GPR158: variants seen among roughly 807,000 people sequenced by gnomAD.
GPR158 encodes the protein G protein-coupled receptor 158, also known as metabotropic glycine receptor.
In GPR158, 30 loss-of-function variants were observed where a neutral mutation model predicts 78.2. The ratio of observed to expected loss-of-function variants is 0.38; its 90% confidence interval spans 0.29 to 0.52. GPR158 has a LOEUF of 0.52. Ranked by LOEUF, GPR158 falls within the 20% of genes least tolerant of loss-of-function variation. The pLI, the probability that GPR158 is intolerant of heterozygous loss-of-function variation, is 0.83. For missense variants in GPR158, 1,463 were observed against 1,523.5 expected (o/e 0.96, Z 0.66); for synonymous variants, 581 against 591.1 (o/e 0.98, Z 0.25).
chr10:25,349,721 G>T (rs896358044), intron 2 of GPR158, among the ~76,000 whole-genome samples: 1 of 146,386 alleles, frequency 6.8e-6, no homozygotes, highest in African/African-American at 2.8e-5. Context: ...CATATATTAC[G>T]CAATTTCAGG....
At chr10:25,286,604 G>A (rs377517074) in intron 2 of GPR158, among the ~76,000 whole-genome samples, 77 of 150,972 alleles carry the variant, frequency 5.1e-4, no homozygotes, top group African/African-American at 1.6e-3. Context: ...CAGTGTTGTT[G>A]TTTTTTTTTA....
chr10:25,406,327 A>G (rs777788287), intron 3 of GPR158, among the ~76,000 whole-genome samples: 2 of 152,124 alleles, frequency 1.3e-5, no homozygotes, highest in Non-Finnish European at 2.9e-5. Flanking sequence ...CATTGTATAC[A>G]GTTTTTAGAG....
intron 2 of GPR158, among the ~76,000 whole-genome samples, chr10:25,222,553 A>G (rs1237577665): frequency 2.0e-5 from 3 of 151,632 alleles, no homozygotes; most frequent in Non-Finnish European, 4.4e-5. Flanking sequence ...GTCTCCTTTA[A>G]TTGTTCTTAG....
intron 10 of GPR158, among the ~76,000 whole-genome samples, chr10:25,597,518 G>A (rs189280984): frequency 2.0e-5 from 3 of 151,870 alleles, no homozygotes; most frequent in Admixed American, 6.6e-5. Flanking sequence ...AAATCAGAAG[G>A]TGCTTGCTCC....
chr10:25,554,090 G>A (rs7083288), intron 6 of GPR158, among the ~76,000 whole-genome samples: 23,984 of 152,056 alleles, frequency 0.16, 4,207 homozygotes, highest in African/African-American at 0.43. Context: ...TAGGGGGAAT[G>A]TCACCCATTG....
chr10:25,224,776 A>G (rs1853350717), intron 2 of GPR158, among the ~76,000 whole-genome samples: 1 of 152,148 alleles, frequency 6.6e-6, no homozygotes, highest in South Asian at 2.1e-4. Context: ...GGTTTTCTTT[A>G]CAGAGATACA....
chr10:25,203,857 C>T (rs984054975), intron 1 of GPR158, among the ~76,000 whole-genome samples: 1 of 144,196 alleles, frequency 6.9e-6, no homozygotes, highest in African/African-American at 2.7e-5. Context: ...GGCAGTTTGG[C>T]CATTTTCACA....
chr10:25,400,012 G>GTCAA lies in GPR158; in HGVS notation c.1111+4001_1111+4004dup, dbSNP rs377609429. Among the ~76,000 whole-genome samples the GTCAA allele has an allele frequency of 5.3e-3, 803 of 152,200 alleles. 11 individuals carry two copies. The highest frequency in any genetic ancestry group is 0.019 in the African/African-American group (776 of 41,506). ...CACAGTACATGGCATATAATAAGTG[G>GTCAA]TCAATACACAGTTAAATAATTGAAT... On this transcript the variant is annotated intron_variant, in intron 3 of 10. Transcript: ENST00000376351.
In GPR158 at chr10:25,602,216, A is replaced by G. The variant is rs770058838; in HGVS notation, c.*2942A>G. On this transcript the variant is annotated 3_prime_UTR_variant, in exon 11 of 11. Coordinates refer to ENST00000376351, the MANE Select transcript of GPR158 (RefSeq NM_020752.3). Reference sequence around the variant, plus strand: ...AATTATAACTTCTCTGCAATAAAACATATTTATATGAAAGTGATTTGTGGG... The same window carrying G: ...AATTATAACTTCTCTGCAATAAAACGTATTTATATGAAAGTGATTTGTGGG... 6.6e-6 allele frequency: 1 copy of G among 152,596 alleles called. No individual in the cohort carries two copies. Among genetic ancestry groups the G allele is most frequent in the African/African-American group, 2.4e-5 (1 of 41,458 alleles). The allele number at this position is 152,596 out of a possible 1,614,324, so 9.5% of individuals were successfully genotyped here. A position where few individuals can be genotyped will look rare whatever the true frequency, so the allele number is the denominator to read the frequency against.
chr10:25,432,966 T>G (rs949966878), intron 4 of GPR158, among the ~76,000 whole-genome samples: 2 of 152,226 alleles, frequency 1.3e-5, no homozygotes, highest in African/African-American at 4.8e-5. Context: ...TGAAACAGTA[T>G]AATGTATCAT....
intron 2 of GPR158, among the ~76,000 whole-genome samples, chr10:25,270,673 T>A (rs955824943): frequency 7.9e-5 from 12 of 152,172 alleles, no homozygotes; most frequent in African/African-American, 2.2e-4. Context: ...ACAGGCCAGA[T>A]ATCTACAAGT....
intron 2 of GPR158, among the ~76,000 whole-genome samples, chr10:25,334,852 A>G (rs997422747): frequency 6.6e-6 from 1 of 151,930 alleles, no homozygotes; most frequent in African/African-American, 2.4e-5. Context: ...TGATATTTCC[A>G]TCCTACTTGT....
chr10:25,471,899 C>G (rs1484690977), intron 5 of GPR158, among the ~76,000 whole-genome samples: 4 of 152,020 alleles, frequency 2.6e-5, no homozygotes, highest in Non-Finnish European at 4.4e-5. Flanking sequence ...AAATTTTCTC[C>G]CATTTTGTAG....
At chr10:25,385,904 G>A (rs936713289) in intron 2 of GPR158, among the ~76,000 whole-genome samples, 2 of 152,056 alleles carry the variant, frequency 1.3e-5, no homozygotes, top group South Asian at 2.1e-4. Context: ...CATTCTGTAG[G>A]CTGACTTTTC....
In GPR158 at chr10:25,208,936, C is replaced by T. The variant is rs887418313; in HGVS notation, c.903-12116C>T. 2.0e-4 allele frequency among the ~76,000 whole-genome samples: 31 copies of T among 151,494 alleles called. No individual in the cohort carries two copies. The East Asian group carries it at 5.1e-3, about 25-fold the overall frequency. ...TGATCTCAGCTCACTGCAACCTCCA[C>T]CTCCTGGGTTCAAGCAATTCTTCTG... is the stretch of plus-strand genomic sequence containing the variant. On this transcript the variant is annotated intron_variant, in intron 1 of 10. Transcript: ENST00000376351.
At chr10:25,190,634 C>A (rs2130641789) in intron 1 of GPR158, among the ~76,000 whole-genome samples, 1 of 152,264 alleles carries the variant, frequency 6.6e-6, no homozygotes, top group Non-Finnish European at 1.5e-5. Context: ...GCTGGCCCTA[C>A]ATATACATTA....
At chr10:25,428,684 C>T (rs1029388656) in intron 4 of GPR158, among the ~76,000 whole-genome samples, 1 of 151,976 alleles carries the variant, frequency 6.6e-6, no homozygotes, top group Non-Finnish European at 1.5e-5. Flanking sequence ...TCAAGAGTTA[C>T]CAAAGGAGAA....
At chr10:25,325,301 G>A (rs1855014103) in intron 2 of GPR158, among the ~76,000 whole-genome samples, 1 of 152,144 alleles carries the variant, frequency 6.6e-6, no homozygotes, top group Non-Finnish European at 1.5e-5. Context: ...TACAGTGTTT[G>A]TCTTTCTGGG....
intron 3 of GPR158, among the ~76,000 whole-genome samples, chr10:25,403,147 A>C (rs1267547653): frequency 6.6e-6 from 1 of 151,942 alleles, no homozygotes. Flanking sequence ...CATTGAATAA[A>C]TGCACTGTGG....
Sources: gnomAD v4.1 joint callset for allele counts (sites outside exome capture counted in the v4.1 genomes callset) on GRCh38, gnomAD v4.1.1 for gene constraint, MANE v1.5 for transcripts, NCBI Gene and HGNC (gene_info 2026-07-23, HGNC 2026-07-21) for gene names.